MYH10: variants seen among roughly 807,000 people sequenced by gnomAD.
The protein encoded by MYH10 is myosin heavy chain 10.
A neutral mutation model predicts 257.8 loss-of-function variants in MYH10; 55 were observed. The ratio of observed to expected loss-of-function variants is 0.21; its 90% CI spans 0.17 to 0.27. MYH10 has a LOEUF of 0.27. MYH10 is among the 10% of genes least tolerant of loss of function. MYH10 has a pLI of 1.00. For missense variants in MYH10, 1,631 were observed against 2,500.6 expected (o/e 0.65, Z 7.42); for synonymous variants, 854 against 921.7 (o/e 0.93, Z 1.33).
chr17:8,494,034 C>CA (rs1245068448), intron 31 of MYH10, 149 bp from the exon 32 acceptor site: 8 of 881,712 alleles, frequency 9.1e-6, no homozygotes, highest in African/African-American at 1.7e-5. Flanking sequence ...GATTTAAAAA[C>CA]ACACACGATA....
intron 36 of MYH10, among the ~76,000 whole-genome samples, chr17:8,484,964 A>G (rs1456895921): frequency 6.6e-6 from 1 of 152,264 alleles, no homozygotes; most frequent in Non-Finnish European, 1.5e-5. Context: ...AGGGTAATTA[A>G]TTAGGCAAGA....
At chr17:8,610,235 T>C (rs2084974313) in intron 2 of MYH10, among the ~76,000 whole-genome samples, 1 of 137,744 alleles carries the variant, frequency 7.3e-6, no homozygotes, top group Non-Finnish European at 1.5e-5. Flanking sequence ...TTATGGATTT[T>C]TCTCCTTCCA....
intron 1 of MYH10, among the ~76,000 whole-genome samples, chr17:8,630,228 C>T (rs1388329673): frequency 6.6e-6 from 1 of 151,664 alleles, no homozygotes; most frequent in Non-Finnish European, 1.5e-5. Context: ...AGACCTCCGC[C>T]GGGACACTAG....
At chr17:8,575,222 G>A (rs1262710074) in intron 6 of MYH10, among the ~76,000 whole-genome samples, 3 of 151,856 alleles carry the variant, frequency 2.0e-5, no homozygotes, top group African/African-American at 7.3e-5. Context: ...ATACAACAGG[G>A]ATCCACTCTG....
Position 8,545,566 on chromosome 17 carries a change from G to A in MYH10, c.1313C>T (p.Thr438Ile). 3 of 1,613,962 alleles carry A rather than the reference G, an allele frequency of 1.9e-6. No individual in the cohort carries two copies. The highest frequency in any genetic ancestry group is 3.3e-4 in the Middle Eastern group (2 of 6,062). ...DFAVEALAKA[T>I]YERLFRWLVH... ...GAGCCAGCGAAAGAGCCGCTCATAG[G>A]TAGCTTTTGCCAATGCTTCTACTGC... is the stretch of plus-strand genomic sequence containing the variant. The change falls in exon 13 of 43, where the codon ACC becomes ATC. Residue 438 changes from threonine (T) to isoleucine (I), a missense_variant. Around this residue, in one of 11 missense-constraint regions of MYH10, gnomAD observed 360 missense variants for 581.9 expected, o/e 0.62. Transcript: ENST00000360416. This position sits in a 1 kb window ranked among gnomAD's most constrained non-coding sequence, Gnocchi z 4.7.
rs781355821 is a variant in MYH10 at position 8,509,961 on chromosome 17, C to T, written c.2953-12G>A. ...TGTTCTTCCAGGTCCTTGTGAAGAA[C>T]ACACAGTCAGTCTCGCCACTTTCTC... On this transcript the variant is annotated splice_polypyrimidine_tract_variant and intron_variant, in intron 24 of 42. Coordinates refer to ENST00000360416, the MANE Select transcript of MYH10 (RefSeq NM_001256012.3). 5.6e-6 allele frequency: 9 copies of T among 1,600,692 alleles called. No homozygotes were observed. The highest frequency in any genetic ancestry group is 6.0e-6 in the Non-Finnish European group (7 of 1,174,608).
chr17:8,619,698 TGGATCACTTGA>T, intron 2 of MYH10, among the ~76,000 whole-genome samples: 1 of 151,602 alleles, frequency 6.6e-6, no homozygotes, highest in African/African-American at 2.4e-5. Context: ...CCAAGGCGGG[TGGATCACTTGA>T]GGTCAGGAGT....
At position 8,474,472 on chromosome 17, in the gene MYH10, T is replaced by G. The variant is rs2151750923; in HGVS notation, c.*1332A>C. On this transcript the variant is annotated 3_prime_UTR_variant, in exon 43 of 43. Transcript: ENST00000360416. ...TTCTTCCTAATAGATGTTAAAGCTTTTAACCCAAAAGGTTTGTGTTTTCAA... is the reference window on the plus strand; with the variant it reads ...TTCTTCCTAATAGATGTTAAAGCTTGTAACCCAAAAGGTTTGTGTTTTCAA... The G allele has an allele frequency of 6.5e-6, 1 of 152,730 alleles. No individual in the cohort carries two copies. The highest frequency in any genetic ancestry group is 2.1e-4 in the South Asian group (1 of 4,822). 9.5% of individuals were successfully genotyped at this position (152,730 alleles called of 1,614,324 possible).
intron 7 of MYH10, chr17:8,560,735 A>G: frequency 1.6e-6 from 1 of 621,578 alleles, no homozygotes; most frequent in Admixed American, 1.9e-5. Flanking sequence ...TGAGAACTTC[A>G]TCCTGAAGCA....
At chr17:8,538,144 C>T (rs534318185) in intron 14 of MYH10, among the ~76,000 whole-genome samples, 4 of 152,334 alleles carry the variant, frequency 2.6e-5, no homozygotes, top group South Asian at 4.1e-4. Flanking sequence ...CACAGGCTGT[C>T]GTTAAATTCC....
intron 7 of MYH10, among the ~76,000 whole-genome samples, chr17:8,559,821 A>G (rs956605065): frequency 3.3e-5 from 5 of 152,232 alleles, no homozygotes; most frequent in African/African-American, 1.2e-4. Context: ...ACTGATGGTT[A>G]AAATTCTCCA....
In MYH10 at chr17:8,506,245, T is replaced by C. The variant is rs1279058361; in HGVS notation, c.3386+73A>G. ...TCACTCTCCCAGGGTTTTTGAATGC[T>C]CCCGAACATAACAAAGTCTGCTGAA... On this transcript the variant is annotated intron_variant, in intron 27 of 42. Transcript: ENST00000360416. This position sits in a 1 kb window ranked among gnomAD's most constrained non-coding sequence, Gnocchi z 5.0. 2.1e-5 allele frequency: 31 copies of C among 1,463,046 alleles called. No individual in the cohort carries two copies. Among genetic ancestry groups the C allele is most frequent in the Middle Eastern group, 2.0e-4 (1 of 5,078 alleles). 90.6% of individuals were successfully genotyped at this position (1,463,046 alleles called of 1,614,324 possible).
chr17:8,524,663 C>T (rs7213629), intron 17 of MYH10, among the ~76,000 whole-genome samples: 69,800 of 151,794 alleles, frequency 0.46, 16,271 homozygotes, highest in African/African-American at 0.56. Flanking sequence ...TTGCTGGGCT[C>T]CTGCTTCTGA....
chr17:8,627,057 T>C (rs1184959730), intron 1 of MYH10, among the ~76,000 whole-genome samples: 1 of 152,242 alleles, frequency 6.6e-6, no homozygotes, highest in African/African-American at 2.4e-5. Flanking sequence ...AATTTAGTAT[T>C]TTAAAAAACC....
chr17:8,547,726 T>C (rs1271825791), intron 11 of MYH10, among the ~76,000 whole-genome samples: 2 of 146,912 alleles, frequency 1.4e-5, no homozygotes, highest in African/African-American at 2.5e-5. Context: ...GATATATATA[T>C]AATATATATG....
chr17:8,538,795 T>C (rs1011043358), intron 14 of MYH10, among the ~76,000 whole-genome samples: 2 of 152,226 alleles, frequency 1.3e-5, no homozygotes, highest in Non-Finnish European at 2.9e-5. Flanking sequence ...ACTAGGAACA[T>C]CATGACTTCC....
chr17:8,585,810 C>T (rs906557802), intron 4 of MYH10, among the ~76,000 whole-genome samples: 1 of 152,042 alleles, frequency 6.6e-6, no homozygotes, highest in Non-Finnish European at 1.5e-5. Flanking sequence ...AAGGTTTGTG[C>T]ATTTAATTCT....
intron 17 of MYH10, among the ~76,000 whole-genome samples, chr17:8,526,264 T>C (rs1047921834): frequency 6.6e-6 from 1 of 152,162 alleles, no homozygotes; most frequent in Admixed American, 6.5e-5. Context: ...TATTTTCTTG[T>C]TGATCAAAGC....
At chr17:8,487,344 G>T in intron 36 of MYH10, 89 bp downstream of exon 36, 10 of 1,511,512 alleles carry the variant, frequency 6.6e-6, no homozygotes, top group Non-Finnish European at 8.2e-6. Context: ...CAGCGGTGCT[G>T]TGCCCCCCAG....
Sources: allele counts gnomAD v4.1 joint callset (sites outside exome capture counted in the v4.1 genomes callset), GRCh38; gene constraint gnomAD v4.1.1; regional missense constraint gnomAD v4.1.1; non-coding constraint Gnocchi (gnomAD v3.1); transcripts MANE v1.5; gene names NCBI Gene and HGNC (gene_info 2026-07-23, HGNC 2026-07-21).